NDUFAF5: variants seen among roughly 807,000 people sequenced by gnomAD.
NDUFAF5 encodes arginine-hydroxylase NDUFAF5, mitochondrial.
Under a neutral mutation model 48.9 loss-of-function variants are expected in NDUFAF5, and 34 were observed. The ratio of observed to expected loss-of-function variants is 0.70; its 90% CI spans 0.53 to 0.93. NDUFAF5 has a LOEUF of 0.93. NDUFAF5 is among the 40% of genes least tolerant of loss of function. NDUFAF5 has a pLI of 0.00. For missense variants in NDUFAF5, 428 were observed against 427.5 expected, an observed-to-expected ratio of 1.00 and a Z score of -0.01; for synonymous variants, 153 against 150.6, an observed-to-expected ratio of 1.02 and a Z score of -0.12.
At chr20:13,791,314 A>G (rs1482887242) in intron 3 of NDUFAF5, among the ~76,000 whole-genome samples, 1 of 152,222 alleles carries the variant, frequency 6.6e-6, no homozygotes, top group East Asian at 1.9e-4. Context: ...ACCTTGGGCC[A>G]ATCAATTGCT....
intron 2 of NDUFAF5, 48 bp downstream of exon 2, chr20:13,787,400 A>G: frequency 6.5e-7 from 1 of 1,543,520 alleles, no homozygotes; most frequent in Non-Finnish European, 9.0e-7. Context: ...TTGAGTGGAA[A>G]TTCAGGAGAT....
At position 13,785,095 on chromosome 20, in the gene NDUFAF5, C is replaced by T. The variant is rs371947844; in HGVS notation, c.27C>T (p.Arg9=). 2.8e-5 allele frequency: 45 copies of T among 1,612,974 alleles called. No individual in the cohort carries two copies. Among genetic ancestry groups the T allele is most frequent in the Middle Eastern group, 1.7e-4 (1 of 5,780 alleles). Residue 9 remains arginine, a synonymous_variant, in exon 1 of 11, where the codon CGC becomes CGT. Transcript: ENST00000378106. The part of the protein sequence containing the change: MLRPAGLW[R]LCRRPWAARV... Reference sequence around the variant, plus strand: ...TGCTGCGGCCGGCAGGGCTCTGGCGCTTATGTCGGCGACCTTGGGCGGCGA... The same window carrying T: ...TGCTGCGGCCGGCAGGGCTCTGGCGTTTATGTCGGCGACCTTGGGCGGCGA...
rs1986953216 is a variant in NDUFAF5 at position 13,821,073 on chromosome 20, A to C, written c.*3863A>C. On this transcript the variant is annotated 3_prime_UTR_variant, in exon 11 of 11. Transcript: ENST00000378106. ...AAAAACATCAATTTGAAAATACTAG[A>C]AGGTGGGGTGAACACTGATAAGTTA... 1 of 152,232 alleles carries C rather than the reference A, an allele frequency of 6.6e-6. No individual in the cohort carries two copies. The highest frequency in any genetic ancestry group is 2.4e-5 in the African/African-American group (1 of 41,456). The allele number at this position is 152,232 out of a possible 1,614,324, so 9.4% of individuals were successfully genotyped here.
chr20:13,786,548 G>C (rs1001804846), intron 1 of NDUFAF5, among the ~76,000 whole-genome samples: 6 of 152,134 alleles, frequency 3.9e-5, no homozygotes, highest in Non-Finnish European at 8.8e-5. Context: ...TGACGTACAA[G>C]GTGGACTCCT....
In NDUFAF5 at chr20:13,817,092, A is replaced by G. The variant is rs767643075; in HGVS notation, c.946-26A>G. ...GCTGTGTATTATCTATCTATTTCTA[A>G]TATCTTTAATCTTTATTATTTTCAG... On this transcript the variant is annotated intron_variant, in intron 10 of 10. Coordinates refer to ENST00000378106, the MANE Select transcript of NDUFAF5 (RefSeq NM_024120.5). 9 of 1,602,956 alleles carry G rather than the reference A, an allele frequency of 5.6e-6. No individual in the cohort carries two copies. In the South Asian group the frequency reaches 8.8e-5, roughly 16 times the overall value.
chr20:13,819,092 GTGAT>G lies in NDUFAF5; in HGVS notation c.*1885_*1888del, dbSNP rs1986805063. On this transcript the variant is annotated 3_prime_UTR_variant, in exon 11 of 11. Transcript: ENST00000378106. ...TGAGGACCCTTATTGTTTAATGTGA[GTGAT>G]TGTAGTGAAAACACTTATTTTAGTG... is the stretch of plus-strand genomic sequence containing the variant. The G allele has an allele frequency of 2.0e-5, 3 of 152,348 alleles. No homozygotes were observed. The East Asian group carries it at 5.8e-4, about 29-fold the overall frequency. The allele number at this position is 152,348 out of a possible 1,614,324, so 9.4% of individuals were successfully genotyped here.
chr20:13,801,757 A>G (rs558956481), intron 7 of NDUFAF5, 74 bp downstream of exon 7: 1 of 1,350,012 alleles, frequency 7.4e-7, no homozygotes, highest in Admixed American at 1.7e-5. Context: ...AAAGATAGAA[A>G]ACTGTATGTG....
At chr20:13,803,808 G>A (rs76757972) in intron 7 of NDUFAF5, among the ~76,000 whole-genome samples, 1 of 151,446 alleles carries the variant, frequency 6.6e-6, no homozygotes, top group Non-Finnish European at 1.5e-5. Flanking sequence ...TTGGGGGGGG[G>A]ACAGTTTCAC....
In NDUFAF5 at chr20:13,807,484, A is replaced by G. The variant is rs1263025652; in HGVS notation, c.718-1358A>G. ...TTTAAACTTACTTATATAATATTAC[A>G]TGCACTCTTTTGCTTTTTTTTTTCC... On this transcript the variant is annotated intron_variant, in intron 7 of 10. Coordinates refer to ENST00000378106, the MANE Select transcript of NDUFAF5 (RefSeq NM_024120.5). 8.0e-5 allele frequency among the ~76,000 whole-genome samples: 12 copies of G among 150,254 alleles called. No individual in the cohort carries two copies. In the East Asian group the frequency reaches 2.3e-3, roughly 29 times the overall value.
chr20:13,792,970 C>T (rs531600934), intron 3 of NDUFAF5, among the ~76,000 whole-genome samples: 10 of 152,196 alleles, frequency 6.6e-5, no homozygotes, highest in Admixed American at 2.6e-4. Context: ...GTTGAATACG[C>T]ATACTCATGT....
At chr20:13,803,800 G>T (rs796911093) in intron 7 of NDUFAF5, among the ~76,000 whole-genome samples, 5 of 141,220 alleles carry the variant, frequency 3.5e-5, no homozygotes, top group Admixed American at 7.1e-5. Context: ...TTTTTTTTTT[G>T]GGGGGGGGAC....
chr20:13,809,184 G>C (rs1813429696), intron 8 of NDUFAF5, among the ~76,000 whole-genome samples: 1 of 152,210 alleles, frequency 6.6e-6, no homozygotes, highest in Admixed American at 6.5e-5. Flanking sequence ...ACGGCTGTTT[G>C]TAAAAAGATG....
intron 4 of NDUFAF5, among the ~76,000 whole-genome samples, chr20:13,794,102 T>A (rs1982779806): frequency 6.6e-6 from 1 of 152,248 alleles, no homozygotes; most frequent in African/African-American, 2.4e-5. Context: ...CATTGTTTAT[T>A]GATTTCTATT....
At chr20:13,798,034 G>A (rs1983517041) in intron 5 of NDUFAF5, among the ~76,000 whole-genome samples, 1 of 152,092 alleles carries the variant, frequency 6.6e-6, no homozygotes, top group African/African-American at 2.4e-5. Context: ...TTTTTTCTAA[G>A]AAAGTCTGAC....
chr20:13,808,176 C>G (rs917204283), intron 7 of NDUFAF5, among the ~76,000 whole-genome samples: 3 of 152,150 alleles, frequency 2.0e-5, no homozygotes, highest in African/African-American at 7.2e-5. Context: ...TCTTAACTGT[C>G]TTGCCCCTCC....
At chr20:13,785,390 G>C in intron 1 of NDUFAF5, 100 bp downstream of exon 1, 1 of 1,015,510 alleles carries the variant, frequency 9.8e-7, no homozygotes, top group Non-Finnish European at 1.5e-6. Flanking sequence ...CCACCTAGCC[G>C]TCTGACCTTG....
chr20:13,790,870 T>A (rs1982170458), intron 3 of NDUFAF5, among the ~76,000 whole-genome samples: 1 of 152,204 alleles, frequency 6.6e-6, no homozygotes, highest in South Asian at 2.1e-4. Flanking sequence ...ATTCCTCCCG[T>A]GACTGCTTTA....
At chr20:13,793,076 A>T in intron 3 of NDUFAF5, 104 bp from the exon 4 acceptor site, 1 of 1,280,384 alleles carries the variant, frequency 7.8e-7, no homozygotes, top group Non-Finnish European at 1.1e-6. Context: ...ATATACCTTT[A>T]CAAAGCTGAA....
At chr20:13,806,121 A>G (rs1055686673) in intron 7 of NDUFAF5, among the ~76,000 whole-genome samples, 1 of 152,190 alleles carries the variant, frequency 6.6e-6, no homozygotes, top group African/African-American at 2.4e-5. Flanking sequence ...ATCTTAATGT[A>G]TTTTCATCTT....
Sources: allele counts gnomAD v4.1 joint callset (sites outside exome capture counted in the v4.1 genomes callset), GRCh38; gene constraint gnomAD v4.1.1; transcripts MANE v1.5; gene names NCBI Gene and HGNC (gene_info 2026-07-23, HGNC 2026-07-21).